Variants in NTRK2 observed in about 807,000 individuals in gnomAD.
The protein encoded by NTRK2 is BDNF/NT-3 growth factors receptor.
A neutral mutation model predicts 94.5 loss-of-function variants in NTRK2; 13 were observed. That is an observed-to-expected ratio of 0.14 (90% CI 0.09 to 0.22). The LOEUF is 0.22. Ranked by LOEUF, NTRK2 falls within the 10% of genes least tolerant of loss-of-function variation. The probability of loss-of-function intolerance (pLI) is 1.00; values close to 1 mark genes in which losing one functional copy is unlikely to be tolerated. For synonymous variants in NTRK2, 372 were observed against 407.4 expected, an observed-to-expected ratio of 0.91 and a Z score of 1.05; for missense variants, 639 against 1,071.2, an observed-to-expected ratio of 0.60 and a Z score of 5.63.
At chr9:84,701,122 T>C (rs1187337) in intron 2 of NTRK2, among the ~76,000 whole-genome samples, 91,191 of 152,100 alleles carry the variant, frequency 0.6, 27,588 homozygotes, top group East Asian at 0.71. Context: ...GTTTTAATAG[T>C]TATTTGTTTG....
At chr9:84,772,277 A>G (rs34811816) in intron 12 of NTRK2, among the ~76,000 whole-genome samples, 3,934 of 152,078 alleles carry the variant, frequency 0.026, 75 homozygotes, top group Admixed American at 0.046. Context: ...TTTGAGACAG[A>G]GTCTCACTCT....
intron 9 of NTRK2, 86 bp downstream of exon 9, chr9:84,728,045 C>T (rs2062582876): frequency 2.4e-6 from 3 of 1,264,634 alleles, no homozygotes; most frequent in Admixed American, 3.6e-5. Flanking sequence ...ATAAGCCATC[C>T]CCCAACCTAG....
upstream of NTRK2, chr9:84,668,831 G>A (rs113209957): frequency 0.011 from 1,717 of 152,398 alleles, 39 homozygotes; most frequent in African/African-American, 0.039. Context: ...GTGGGGGTGG[G>A]CATCGCGGGG....
In NTRK2 at chr9:84,795,761, A is replaced by G. The variant is rs76811999; in HGVS notation, c.1396+43676A>G. ...CAGAGCTCTCCTCTCCCGGACCCCA[A>G]AGTATTTTGGCTCCTTGCTCATGCA... On this transcript the variant is annotated intron_variant, in intron 12 of 18. Transcript: ENST00000277120. Among the ~76,000 whole-genome samples, 1,107 of 152,158 alleles carry G rather than the reference A, an allele frequency of 7.3e-3. 17 individuals are homozygous for G. Among genetic ancestry groups the G allele is most frequent in the African/African-American group, 0.025 (1,025 of 41,514 alleles).
chr9:84,955,535 T>C lies in NTRK2; in HGVS notation c.2172+18T>C, dbSNP rs760504334. On this transcript the variant is annotated intron_variant, in intron 17 of 18. Coordinates refer to ENST00000277120, the MANE Select transcript of NTRK2 (RefSeq NM_006180.6). ...ACTACAGGGTGAGTAGCTGTGCAGA[T>C]CAGAGACCCCAGGGACCTCTTTCCC... The C allele has an allele frequency of 1.1e-5, 17 of 1,599,652 alleles. No individual in the cohort carries two copies. The African/African-American group carries it at 2.3e-4, about 21-fold the overall frequency.
intron 17 of NTRK2, among the ~76,000 whole-genome samples, chr9:84,980,372 G>T (rs1368750532): frequency 6.6e-6 from 1 of 152,042 alleles, no homozygotes; most frequent in African/African-American, 2.4e-5. Context: ...ACTTACTTAG[G>T]ATAAGTTCCC....
chr9:84,696,821 T>G (rs1316591239), intron 2 of NTRK2, among the ~76,000 whole-genome samples: 1 of 152,270 alleles, frequency 6.6e-6, no homozygotes, highest in Non-Finnish European at 1.5e-5. Context: ...TGGGATAGAT[T>G]TAGATGAGTA....
At chr9:84,866,137 G>A (rs181338436) in intron 13 of NTRK2, among the ~76,000 whole-genome samples, 3 of 152,262 alleles carry the variant, frequency 2.0e-5, no homozygotes, top group Admixed American at 2.0e-4. Context: ...AGGTAACTTT[G>A]CCATGGGATT....
At chr9:84,832,259 C>T (rs2073598828) in intron 12 of NTRK2, among the ~76,000 whole-genome samples, 1 of 152,192 alleles carries the variant, frequency 6.6e-6, no homozygotes, top group Non-Finnish European at 1.5e-5. Flanking sequence ...TTGGCACCCA[C>T]ACAGGGATGC....
At chr9:84,810,672 TC>T in intron 12 of NTRK2, 1 of 1,605,462 alleles carries the variant, frequency 6.2e-7, no homozygotes, top group Non-Finnish European at 8.5e-7. Context: ...TGTTGGCTTA[TC>T]CCGGGAAGTG....
chr9:84,808,670 G>T (rs2071404460), intron 12 of NTRK2, among the ~76,000 whole-genome samples: 1 of 152,332 alleles, frequency 6.6e-6, no homozygotes, highest in African/African-American at 2.4e-5. Flanking sequence ...CAGATATGAA[G>T]GAGAATTAAT....
chr9:84,909,404 A>C (rs550828094), intron 14 of NTRK2, among the ~76,000 whole-genome samples: 1 of 152,054 alleles, frequency 6.6e-6, no homozygotes, highest in Non-Finnish European at 1.5e-5. Context: ...TTGTGTGAAC[A>C]TAAGTTTTCA....
intron 15 of NTRK2, among the ~76,000 whole-genome samples, chr9:84,946,015 C>A (rs1424761155): frequency 6.6e-6 from 1 of 152,184 alleles, no homozygotes; most frequent in Non-Finnish European, 1.5e-5. Flanking sequence ...TCAGGCATGT[C>A]CCCACAGGGA....
At chr9:85,019,290 A>C (rs1181083883) in intron 17 of NTRK2, among the ~76,000 whole-genome samples, 1 of 152,196 alleles carries the variant, frequency 6.6e-6, no homozygotes, top group Non-Finnish European at 1.5e-5. Context: ...GCTGTCAGGC[A>C]TACTGTGTAG....
At chr9:84,865,026 A>G (rs920965503) in intron 13 of NTRK2, among the ~76,000 whole-genome samples, 2 of 152,106 alleles carry the variant, frequency 1.3e-5, no homozygotes, top group African/African-American at 4.8e-5. Context: ...GATGTGAGCC[A>G]CCATGCCCGG....
intron 11 of NTRK2, among the ~76,000 whole-genome samples, chr9:84,749,221 T>G (rs561419821): frequency 2.0e-4 from 30 of 151,106 alleles, no homozygotes; most frequent in African/African-American, 7.1e-4. Flanking sequence ...GGAGCGAAAC[T>G]CCGTCTCAAA....
At chr9:84,844,417 G>A (rs75910634) in intron 12 of NTRK2, among the ~76,000 whole-genome samples, 2,153 of 152,214 alleles carry the variant, frequency 0.014, 47 homozygotes, top group African/African-American at 0.048. Context: ...TTTTGTAAGG[G>A]GAGGGAGGTC....
At chr9:84,939,461 CAG>C (rs1800690258) in intron 15 of NTRK2, among the ~76,000 whole-genome samples, 1 of 152,104 alleles carries the variant, frequency 6.6e-6, no homozygotes, top group African/African-American at 2.4e-5. Flanking sequence ...CCTGGTGAAC[CAG>C]ATTGAGGAAA....
intron 14 of NTRK2, chr9:84,873,011 T>G (rs184074815): frequency 2.3e-5 from 24 of 1,063,432 alleles, no homozygotes; most frequent in Middle Eastern, 4.2e-4. Flanking sequence ...TGAGTACACA[T>G]GAGCAAAAAT....
Sources: gnomAD v4.1 joint callset for allele counts (sites outside exome capture counted in the v4.1 genomes callset) on GRCh38, gnomAD v4.1.1 for gene constraint, MANE v1.5 for transcripts, NCBI Gene and HGNC (gene_info 2026-07-23, HGNC 2026-07-21) for gene names.